TBX3: variants seen among roughly 807,000 people sequenced by gnomAD.
TBX3 encodes T-box transcription factor 3, also known as T-box transcription factor TBX3.
Under a neutral mutation model 47.8 loss-of-function variants are expected in TBX3, and 11 were observed. The ratio of observed to expected loss-of-function variants is 0.23; its 90% confidence interval spans 0.14 to 0.38. TBX3 has a LOEUF of 0.38. Ranked by LOEUF, TBX3 falls within the 10% of genes least tolerant of loss-of-function variation. The probability of loss-of-function intolerance (pLI) is 1.00; values close to 1 mark genes in which losing one functional copy is unlikely to be tolerated. For synonymous variants in TBX3, 500 were observed against 449.3 expected (o/e 1.11, Z -1.43); for missense variants, 927 against 1,022.8 (o/e 0.91, Z 1.28).
chr12:114,683,330 GAAAA>G lies in TBX3; in HGVS notation c.-134_-131del, dbSNP rs1020200166. The G allele has an allele frequency of 7.4e-5, 95 of 1,283,848 alleles. No homozygotes were observed. The African/African-American group carries it at 1.3e-3, about 18-fold the overall frequency. The allele number at this position is 1,283,848 out of a possible 1,614,324, so 79.5% of individuals were successfully genotyped here. A position where few individuals can be genotyped will look rare whatever the true frequency, so the allele number is the denominator to read the frequency against. On this transcript the variant is annotated 5_prime_UTR_variant, in exon 1 of 7. Coordinates refer to ENST00000349155, the MANE Select transcript of TBX3 (RefSeq NM_005996.4). This position sits in a 1 kb window ranked among gnomAD's most constrained non-coding sequence, Gnocchi z 7.7. ...GGGAAAAAGCAAAACAAAAAAGAAA[GAAAA>G]AAGAAAAGGAGGCAGAAATCACAAC...
Position 114,679,358 on chromosome 12 carries a change from C to T in TBX3, c.804+147G>A, listed in dbSNP as rs574809860. The stretch of plus-strand genomic sequence containing the variant: ...TTCTGTCTCCTCGAGGTGTCATTGT[C>T]CTTTCCCCCCAAATGCTCCACAAAT... On this transcript the variant is annotated intron_variant, in intron 3 of 6. Transcript: ENST00000349155. The T allele has an allele frequency of 1.7e-5, 19 of 1,144,212 alleles. No homozygotes were observed. The East Asian group carries it at 3.7e-4, about 22-fold the overall frequency. 70.9% of individuals were successfully genotyped at this position (1,144,212 alleles called of 1,614,324 possible). A position where few individuals can be genotyped will look rare whatever the true frequency, so the allele number is the denominator to read the frequency against.
chr12:114,680,756 A>T (rs1486076832), intron 2 of TBX3, 123 bp downstream of exon 2: 2 of 1,386,024 alleles, frequency 1.4e-6, no homozygotes, highest in East Asian at 4.6e-5. Flanking sequence ...AGACGAGGAC[A>T]AGTTTGCTAT....
chr12:114,671,576 T>G lies in TBX3; in HGVS notation c.*265A>C. 1.8e-6 allele frequency: 1 copy of G among 562,180 alleles called. No individual in the cohort carries two copies. The highest frequency in any genetic ancestry group is 2.1e-5 in the South Asian group (1 of 48,338). The allele number at this position is 562,180 out of a possible 1,614,324, so 34.8% of individuals were successfully genotyped here. On this transcript the variant is annotated 3_prime_UTR_variant, in exon 7 of 7. Coordinates refer to ENST00000349155, the MANE Select transcript of TBX3 (RefSeq NM_005996.4). ...TGCTGGAAGTTGCTCTGGACATAAA[T>G]GTTGGAACTCCTACCCCCAGTAGCT...
Position 114,683,790 on chromosome 12 carries a change from TA to T in TBX3, c.-591del, listed in dbSNP as rs11356115. On this transcript the variant is annotated 5_prime_UTR_variant, in exon 1 of 7. Transcript: ENST00000349155. This position sits in a 1 kb window ranked among gnomAD's most constrained non-coding sequence, Gnocchi z 7.7. ...GAGAGCGGAAAAAGTCTCTCTCCTTTAAAAAAAAAAAAATCTGATTTAAACC... is the reference window on the plus strand; with the variant it reads ...GAGAGCGGAAAAAGTCTCTCTCCTTTAAAAAAAAAAAATCTGATTTAAACC... 97,117 of 208,042 alleles carry T rather than the reference TA, an allele frequency of 0.47. 17,903 individuals are homozygous for T. The highest frequency in any genetic ancestry group is 0.52 in the African/African-American group (22,629 of 43,114). 12.9% of individuals were successfully genotyped at this position (208,042 alleles called of 1,614,324 possible).
intron 3 of TBX3, 107 bp downstream of exon 3, chr12:114,679,398 C>G: frequency 6.7e-7 from 1 of 1,498,090 alleles, no homozygotes; most frequent in South Asian, 1.1e-5. Flanking sequence ...AAAGACAACT[C>G]AAGACTCTCG....
rs1388148044 is a variant in TBX3 at position 114,670,988 on chromosome 12, AC to A, written c.*852del. On this transcript the variant is annotated 3_prime_UTR_variant, in exon 7 of 7. Coordinates refer to ENST00000349155, the MANE Select transcript of TBX3 (RefSeq NM_005996.4). ...TTTTTAAAACCTTGTTATTGCATATACAGGAAAGAGAAAGAACTGTCAAAGA... is the reference window on the plus strand; with the variant it reads ...TTTTTAAAACCTTGTTATTGCATATAAGGAAAGAGAAAGAACTGTCAAAGA... 1 of 207,692 alleles carries A rather than the reference AC, an allele frequency of 4.8e-6. No individual in the cohort carries two copies. The highest frequency in any genetic ancestry group is 2.3e-5 in the African/African-American group (1 of 44,018). The allele number at this position is 207,692 out of a possible 1,614,324, so 12.9% of individuals were successfully genotyped here. A position where few individuals can be genotyped will look rare whatever the true frequency, so the allele number is the denominator to read the frequency against.
At position 114,671,215 on chromosome 12, in the gene TBX3, CAAG is replaced by C. The variant is rs1868406265; in HGVS notation, c.*623_*625del. On this transcript the variant is annotated 3_prime_UTR_variant, in exon 7 of 7. Transcript: ENST00000349155. ...CCACAAATACATTACTGTGGACATG[CAAG>C]AAGAGACCTACAGCGGCTCTGAAAA... 4.4e-6 allele frequency: 1 copy of C among 225,326 alleles called. No individual in the cohort carries two copies. Among genetic ancestry groups the C allele is most frequent in the African/African-American group, 2.2e-5 (1 of 44,788 alleles). 14.0% of individuals were successfully genotyped at this position (225,326 alleles called of 1,614,324 possible).
Position 114,671,674 on chromosome 12 carries a change from A to G in TBX3, c.*167T>C, listed in dbSNP as rs1868432011. ...GACATATAAACCACGCCAAGAAGAC[A>G]GGGGCTGTCTCTAGCACATTCTCTC... is the stretch of plus-strand genomic sequence containing the variant. On this transcript the variant is annotated 3_prime_UTR_variant, in exon 7 of 7. Coordinates refer to ENST00000349155, the MANE Select transcript of TBX3 (RefSeq NM_005996.4). 3.7e-6 allele frequency: 3 copies of G among 807,338 alleles called. No homozygotes were observed. Among genetic ancestry groups the G allele is most frequent in the Non-Finnish European group, 2.0e-6 (1 of 498,506 alleles). The allele number at this position is 807,338 out of a possible 1,614,324, so 50.0% of individuals were successfully genotyped here. A position where few individuals can be genotyped will look rare whatever the true frequency, so the allele number is the denominator to read the frequency against.
chr12:114,671,972 A>C lies in TBX3; in HGVS notation c.2041T>G (p.Ser681Ala). 6.2e-7 allele frequency: 1 copy of C among 1,601,620 alleles called. No homozygotes were observed. The highest frequency in any genetic ancestry group is 8.5e-7 in the Non-Finnish European group (1 of 1,174,184). Residue 681 changes from serine (S) to alanine (A), a missense_variant, in exon 7 of 7, where the codon TCC (serine) becomes GCC (alanine). Ser to Ala is a moderately conservative substitution (Grantham distance 99). Around this residue, in one of 5 missense-constraint regions of TBX3, gnomAD observed 623 missense variants for 569.0 expected, o/e 1.09. Coordinates refer to ENST00000349155, the MANE Select transcript of TBX3 (RefSeq NM_005996.4). ...TTGGGCGACAAGGACATGGAGCTGG[A>C]GGAGAGCGTGGAGGAGCGGCTGTTG... ...ELNSRSSTLS[S>A]SSMSLSPKLC...
rs1268167495 is a variant in TBX3, at chr12:114,672,074, C to T, written c.1939G>A (p.Ala647Thr). 6.4e-7 allele frequency: 1 copy of T among 1,566,350 alleles called. No individual in the cohort carries two copies. Among genetic ancestry groups the T allele is most frequent in the Non-Finnish European group, 8.6e-7 (1 of 1,156,356 alleles). ...TTALPSMAAA[A>T]GPLDGKVAAL... ...GCGACTTTGCCGTCCAGGGGCCCCG[C>T]GGCCGCCGCCATGGAGGGCAGGGCG... The change falls in exon 7 of 7, where the codon GCG becomes ACG. Residue 647 changes from alanine (A) to threonine (T), a missense_variant. Coordinates refer to ENST00000349155, the MANE Select transcript of TBX3 (RefSeq NM_005996.4).
At chr12:114,675,400 G>T (rs1223357892) in intron 5 of TBX3, among the ~76,000 whole-genome samples, 1 of 152,200 alleles carries the variant, frequency 6.6e-6, no homozygotes, top group Non-Finnish European at 1.5e-5. Flanking sequence ...CCAGTACTCA[G>T]TTGAACCGTT....
chr12:114,674,162 T>C lies in TBX3; in HGVS notation c.1710+3A>G. The C allele has an allele frequency of 1.3e-6, 2 of 1,581,130 alleles. No homozygotes were observed. The highest frequency in any genetic ancestry group is 8.6e-7 in the Non-Finnish European group (1 of 1,165,494). ...TGGTGGAGGCAGGAAGAAGGATCCA[T>C]ACCTGAGAGGCCAGGACGTGCTGCT... On this transcript the variant is annotated splice_donor_region_variant and intron_variant, in intron 6 of 6. Transcript: ENST00000349155.
rs1221864835 is a variant in TBX3 at position 114,683,831 on chromosome 12, C to G, written c.-631G>C. On this transcript the variant is annotated 5_prime_UTR_variant, in exon 1 of 7. Transcript: ENST00000349155. This position sits in a 1 kb window ranked among gnomAD's most constrained non-coding sequence, Gnocchi z 7.7. ...TGATTTAAACCCCCTTCTACCAGCG[C>G]TATCAAAACTTGAATTGCAAACTGG... 4.3e-6 allele frequency: 1 copy of G among 230,804 alleles called. No homozygotes were observed. Among genetic ancestry groups the G allele is most frequent in the Non-Finnish European group, 8.6e-6 (1 of 116,768 alleles). The allele number at this position is 230,804 out of a possible 1,614,324, so 14.3% of individuals were successfully genotyped here.
At chr12:114,677,527 C>T (rs1396991136) in intron 4 of TBX3, 53 bp downstream of exon 4, 29 of 1,565,738 alleles carry the variant, frequency 1.9e-5, no homozygotes, top group Non-Finnish European at 2.2e-5. Context: ...AGAGTTGGAT[C>T]CTAAAAAAAG....
In TBX3 at chr12:114,672,009, C is replaced by G. The variant is rs139599654; in HGVS notation, c.2004G>C (p.Ser668=). The G allele has an allele frequency of 6.3e-7, 1 of 1,597,202 alleles. No homozygotes were observed. The highest frequency in any genetic ancestry group is 1.7e-5 in the Admixed American group (1 of 57,894). The part of the protein sequence containing the change: ...AASPASVAVD[S]GSELNSRSST... The stretch of plus-strand genomic sequence containing the variant: ...AGGAGCGGCTGTTGAGTTCAGAGCC[C>G]GAGTCCACTGCCACCGAGGCCGGGC... Residue 668 remains serine, a synonymous_variant, in exon 7 of 7, where the codon TCG becomes TCC. Transcript: ENST00000349155.
Position 114,672,235 on chromosome 12 carries a change from G to C in TBX3, c.1778C>G (p.Ala593Gly), listed in dbSNP as rs1225011740. The C allele has an allele frequency of 1.3e-6, 2 of 1,573,950 alleles. No homozygotes were observed. Among genetic ancestry groups the C allele is most frequent in the Non-Finnish European group, 1.7e-6 (2 of 1,160,838 alleles). Residue 593 changes from alanine (A) to glycine (G), a missense_variant, in exon 7 of 7, where the codon GCC becomes GGC. Physicochemically the swap from Ala to Gly is moderately conservative, Grantham distance 60. Transcript: ENST00000349155. ...GCTGGAGGCTGCCGCAGAGGAGGCG[G>C]CCGCCGCTGCGGCCATGTACGTGTA... The part of the protein sequence containing the change: ...YPYTYMAAAA[A>G]ASSAAASSSV...
Position 114,682,805 on chromosome 12 carries a change from T to C in TBX3, c.389+7A>G, listed in dbSNP as rs1868996685. On this transcript the variant is annotated splice_region_variant and intron_variant, in intron 1 of 6. Coordinates refer to ENST00000349155, the MANE Select transcript of TBX3 (RefSeq NM_005996.4). ...ACAGCTTAGGGGAGGAGGCCCCCAC[T>C]GCTTACCTTCCCGACTTGGTAATGA... The C allele has an allele frequency of 1.2e-6, 2 of 1,614,092 alleles. No individual in the cohort carries two copies. The highest frequency in any genetic ancestry group is 4.5e-5 in the East Asian group (2 of 44,870).
intron 5 of TBX3, 47 bp from the exon 6 acceptor site, chr12:114,674,882 A>C (rs376314271): frequency 1.9e-5 from 30 of 1,539,864 alleles, no homozygotes; most frequent in Non-Finnish European, 2.4e-5. Context: ...CGTTATCTCC[A>C]GTATGAGCCA....
chr12:114,682,741 T>A, intron 1 of TBX3, 71 bp downstream of exon 1: 1 of 1,611,300 alleles, frequency 6.2e-7, no homozygotes, highest in Non-Finnish European at 8.5e-7. Flanking sequence ...AACCGACTGT[T>A]CTGGGAGCAG....
Sources: allele counts gnomAD v4.1 joint callset (sites outside exome capture counted in the v4.1 genomes callset), GRCh38; gene constraint gnomAD v4.1.1; regional missense constraint gnomAD v4.1.1; non-coding constraint Gnocchi (gnomAD v3.1); transcripts MANE v1.5; gene names NCBI Gene and HGNC (gene_info 2026-07-23, HGNC 2026-07-21).